The following TTC32 variants were observed in gnomAD, a reference collection of about 807,000 sequenced individuals.
TTC32 encodes tetratricopeptide repeat domain 32.
TTC32 carries 16 observed loss-of-function variants against 15.3 expected under a neutral mutation model. The ratio of observed to expected loss-of-function variants is 1.05; its 90% CI spans 0.71 to 1.59. The LOEUF is 1.59. Ranked by LOEUF, TTC32 falls within the 40% of genes most tolerant of loss-of-function variation. The pLI, the probability that TTC32 is intolerant of heterozygous loss-of-function variation, is 0.00. For missense variants in TTC32, 188 were observed against 181.9 expected, an observed-to-expected ratio of 1.03 and a Z score of -0.19; for synonymous variants, 89 against 67.8, an observed-to-expected ratio of 1.31 and a Z score of -1.53.
At chr2:19,899,542 C>A (rs1211555369) in intron 1 of TTC32, among the ~76,000 whole-genome samples, 3 of 151,710 alleles carry the variant, frequency 2.0e-5, no homozygotes, top group African/African-American at 7.3e-5. Flanking sequence ...AAGAAATGGA[C>A]TAACAGTTGA....
chr2:19,898,065 C>T (rs749854861), intron 1 of TTC32, 30 bp from the exon 2 acceptor site: 1 of 1,463,104 alleles, frequency 6.8e-7, no homozygotes. Flanking sequence ...ATTAAAAACA[C>T]CGTGTTACCA....
At chr2:19,900,356 A>G (rs1669581504) in intron 1 of TTC32, among the ~76,000 whole-genome samples, 2 of 152,132 alleles carry the variant, frequency 1.3e-5, no homozygotes, top group African/African-American at 4.8e-5. Flanking sequence ...AACTTCTATT[A>G]TTATTCTTGT....
In TTC32 at chr2:19,901,926, C is replaced by A; in HGVS notation, c.-72G>T. ...AGCGGTTAGAGGTGGCACCACAAAG[C>A]CACTTCCACACCCTGGAATCTACCT... On this transcript the variant is annotated 5_prime_UTR_variant, in exon 1 of 3. Transcript: ENST00000333610. The A allele has an allele frequency of 6.3e-7, 1 of 1,574,836 alleles. No homozygotes were observed. The highest frequency in any genetic ancestry group is 8.7e-7 in the Non-Finnish European group (1 of 1,152,058).
intron 1 of TTC32, chr2:19,901,009 G>A (rs1455207407): frequency 2.2e-6 from 1 of 460,746 alleles, no homozygotes; most frequent in Admixed American, 2.5e-5. Flanking sequence ...ACTGCGAAAA[G>A]GGAACCAAAG....
Position 19,901,932 on chromosome 2 carries a change from C to G in TTC32, c.-78G>C. 1 of 1,559,060 alleles carries G rather than the reference C, an allele frequency of 6.4e-7. No homozygotes were observed. The highest frequency in any genetic ancestry group is 8.8e-7 in the Non-Finnish European group (1 of 1,140,838). On this transcript the variant is annotated 5_prime_UTR_variant, in exon 1 of 3. Coordinates refer to ENST00000333610, the MANE Select transcript of TTC32 (RefSeq NM_001008237.3). ...TAGAGGTGGCACCACAAAGCCACTT[C>G]CACACCCTGGAATCTACCTTGACAG...
At chr2:19,899,484 A>C (rs930655628) in intron 1 of TTC32, among the ~76,000 whole-genome samples, 2 of 152,084 alleles carry the variant, frequency 1.3e-5, no homozygotes, top group African/African-American at 4.8e-5. Flanking sequence ...ATCTCATTAA[A>C]TCAAATTCTA....
chr2:19,901,073 TTAAG>T (rs1478437335), intron 1 of TTC32: 4 of 471,248 alleles, frequency 8.5e-6, no homozygotes, highest in Non-Finnish European at 1.8e-5. Context: ...CGACTTGATA[TTAAG>T]TAACTATGTG....
chr2:19,901,641 G>T (rs1278809356), intron 1 of TTC32, 65 bp downstream of exon 1: 2 of 1,563,096 alleles, frequency 1.3e-6, no homozygotes, highest in South Asian at 1.2e-5. Context: ...AAAGATAGGA[G>T]CCCAAACAAC....
rs1247671037 is a variant in TTC32, at chr2:19,896,709, A to G, written c.*278T>C. The G allele has an allele frequency of 1.3e-5, 2 of 157,676 alleles. No homozygotes were observed. The highest frequency in any genetic ancestry group is 2.8e-5 in the Non-Finnish European group (2 of 71,652). 9.8% of individuals were successfully genotyped at this position (157,676 alleles called of 1,614,324 possible). On this transcript the variant is annotated 3_prime_UTR_variant, in exon 3 of 3. Transcript: ENST00000333610. Reference sequence around the variant, plus strand: ...TTTTTAAATAAAAAGTTGAGAATAAAAAAATCACAAAAATAGTTTTGCTGA... The same window carrying G: ...TTTTTAAATAAAAAGTTGAGAATAAGAAAATCACAAAAATAGTTTTGCTGA...
In TTC32 at chr2:19,901,741, G is replaced by A. The variant is rs762851944; in HGVS notation, c.114C>T (p.Cys38=). 6.2e-7 allele frequency: 1 copy of A among 1,613,272 alleles called. No individual in the cohort carries two copies. Among genetic ancestry groups the A allele is most frequent in the East Asian group, 2.2e-5 (1 of 44,826 alleles). Residue 38 remains cysteine, a synonymous_variant, in exon 1 of 3, where the codon TGC becomes TGT. Transcript: ENST00000333610. Reference sequence around the variant, plus strand: ...TCTCGTCGCTGGAGGCCGCGCAAGCGCACCGGCGAATGTAAGCGGAGTACA... The same window carrying A: ...TCTCGTCGCTGGAGGCCGCGCAAGCACACCGGCGAATGTAAGCGGAGTACA... ...EALYSAYIRR[C]ACAASSDESP... is the part of the protein sequence containing the mutation.
Position 19,901,786 on chromosome 2 carries a change from C to G in TTC32, c.69G>C (p.Glu23Asp), listed in dbSNP as rs752087842. The G allele has an allele frequency of 5.0e-6, 8 of 1,614,232 alleles. No individual in the cohort carries two copies. Among genetic ancestry groups the G allele is most frequent in the Non-Finnish European group, 6.8e-6 (8 of 1,180,040 alleles). Residue 23 changes from glutamate to aspartate, a missense_variant, in exon 1 of 3, where the codon GAG becomes GAC. By Grantham distance (45) the Glu-to-Asp change is conservative. Coordinates refer to ENST00000333610, the MANE Select transcript of TTC32 (RefSeq NM_001008237.3). ...TLAQAHFNNGEYAEAEALYSA... is the reference protein window; with the variant it reads ...TLAQAHFNNGDYAEAEALYSA... ...AGTACAGTGCCTCGGCCTCCGCGTA[C>G]TCTCCATTGTTGAAATGAGCCTGGG...
intron 1 of TTC32, among the ~76,000 whole-genome samples, chr2:19,900,460 G>A (rs1266871044): frequency 6.6e-6 from 1 of 152,100 alleles, no homozygotes; most frequent in Non-Finnish European, 1.5e-5. Flanking sequence ...GTTTAGTTAA[G>A]CCTCATACAA....
chr2:19,898,213 C>G (rs1372349418), intron 1 of TTC32, 178 bp from the exon 2 acceptor site: 3 of 537,314 alleles, frequency 5.6e-6, no homozygotes, highest in South Asian at 3.5e-5. Flanking sequence ...TTTGTTTAAC[C>G]CTGTTATCTA....
chr2:19,901,945 T>A lies in TTC32; in HGVS notation c.-91A>T, dbSNP rs920196134. ...ACAAAGCCACTTCCACACCCTGGAATCTACCTTGACAGCCAACCTTGGCGC... is the reference window on the plus strand; with the variant it reads ...ACAAAGCCACTTCCACACCCTGGAAACTACCTTGACAGCCAACCTTGGCGC... On this transcript the variant is annotated 5_prime_UTR_variant, in exon 1 of 3. Coordinates refer to ENST00000333610, the MANE Select transcript of TTC32 (RefSeq NM_001008237.3). 12 of 1,509,208 alleles carry A rather than the reference T, an allele frequency of 8.0e-6. No homozygotes were observed. Among genetic ancestry groups the A allele is most frequent in the Admixed American group, 1.8e-5 (1 of 55,160 alleles). The allele number at this position is 1,509,208 out of a possible 1,614,324, so 93.5% of individuals were successfully genotyped here. A position where few individuals can be genotyped will look rare whatever the true frequency, so the allele number is the denominator to read the frequency against.
At chr2:19,900,916 A>C in intron 1 of TTC32, 1 of 331,482 alleles carries the variant, frequency 3.0e-6, no homozygotes, top group Non-Finnish European at 6.3e-6. Context: ...CAAAGGACAC[A>C]AGAATCGGTT....
chr2:19,901,334 A>G (rs2103368265), intron 1 of TTC32: 1 of 308,820 alleles, frequency 3.2e-6, no homozygotes, highest in African/African-American at 2.2e-5. Context: ...CCGCCAGCTA[A>G]AATCACGAGT....
chr2:19,901,796 TTGAAA>T lies in TTC32; in HGVS notation c.54_58del (p.His18GlnfsTer36), dbSNP rs760037173. Reference sequence around the variant, plus strand: ...CTCGGCCTCCGCGTACTCTCCATTGTTGAAATGAGCCTGGGCGAGTGTTAGGGTTG... The same window carrying T: ...CTCGGCCTCCGCGTACTCTCCATTGTTGAGCCTGGGCGAGTGTTAGGGTTG... On this transcript the variant is annotated frameshift_variant, in exon 1 of 3. Coordinates refer to ENST00000333610, the MANE Select transcript of TTC32 (RefSeq NM_001008237.3). LOFTEE classifies it high-confidence loss of function. 8 of 1,614,240 alleles carry T rather than the reference TTGAAA, an allele frequency of 5.0e-6. No individual in the cohort carries two copies. The highest frequency in any genetic ancestry group is 6.8e-6 in the Non-Finnish European group (8 of 1,180,034).
Position 19,897,077 on chromosome 2 carries a change from A to AT in TTC32, c.365dup (p.Asn122LysfsTer36). The AT allele has an allele frequency of 3.1e-6, 5 of 1,609,564 alleles. No homozygotes were observed. The highest frequency in any genetic ancestry group is 4.2e-6 in the Non-Finnish European group (5 of 1,178,250). On this transcript the variant is annotated frameshift_variant, in exon 3 of 3. Coordinates refer to ENST00000333610, the MANE Select transcript of TTC32 (RefSeq NM_001008237.3). LOFTEE classifies it high-confidence loss of function. Reference sequence around the variant, plus strand: ...TCAAAGTAGCATCTTGAAATCCAGGATTTAAGTCTAAGACCTTCTTGAAAT... The same window carrying AT: ...TCAAAGTAGCATCTTGAAATCCAGGATTTTAAGTCTAAGACCTTCTTGAAAT...
chr2:19,899,675 ATT>A (rs35152115), intron 1 of TTC32, among the ~76,000 whole-genome samples: 1 of 149,442 alleles, frequency 6.7e-6, no homozygotes, highest in Non-Finnish European at 1.5e-5. Context: ...AAAAAAAAAT[ATT>A]TTTTATATAT....
Sources: gnomAD v4.1 joint callset for allele counts (sites outside exome capture counted in the v4.1 genomes callset) on GRCh38, gnomAD v4.1.1 for gene constraint, MANE v1.5 for transcripts, NCBI Gene and HGNC (gene_info 2026-07-23, HGNC 2026-07-21) for gene names.